Variants in KIRREL3 observed in about 807,000 individuals in gnomAD.
The protein encoded by KIRREL3 is kin of IRRE-like protein 3.
In KIRREL3, 36 loss-of-function variants were observed where a neutral mutation model predicts 89.7. The ratio of observed to expected loss-of-function variants is 0.40; its 90% CI spans 0.31 to 0.53. KIRREL3 has a LOEUF of 0.53. Among genes scored for constraint, KIRREL3 ranks in the 20% least tolerant of loss-of-function variants. The pLI, the probability that KIRREL3 is intolerant of heterozygous loss-of-function variation, is 0.49. For missense variants in KIRREL3, 864 were observed against 1,056.6 expected (o/e 0.82, Z 2.53); for synonymous variants, 445 against 441.4 (o/e 1.01, Z -0.10).
chr11:126,634,850 T>C (rs1032412206), intron 1 of KIRREL3, among the ~76,000 whole-genome samples: 1 of 152,152 alleles, frequency 6.6e-6, no homozygotes, highest in Non-Finnish European at 1.5e-5. Context: ...CCCTTGCTGG[T>C]GCTCTTTCCA....
At chr11:126,457,557 G>A (rs1157093019) in intron 6 of KIRREL3, among the ~76,000 whole-genome samples, 2 of 145,202 alleles carry the variant, frequency 1.4e-5, no homozygotes, top group South Asian at 2.2e-4. Flanking sequence ...ACAAAGATGA[G>A]GAAGTGACAG....
At chr11:126,829,737 T>A (rs1943541610) in intron 1 of KIRREL3, among the ~76,000 whole-genome samples, 1 of 152,216 alleles carries the variant, frequency 6.6e-6, no homozygotes, top group South Asian at 2.1e-4. Context: ...AGAATGGGTA[T>A]GTTTGAAGAG....
chr11:126,738,537 T>C (rs1314471340), intron 1 of KIRREL3, among the ~76,000 whole-genome samples: 1 of 152,072 alleles, frequency 6.6e-6, no homozygotes, highest in African/African-American at 2.4e-5. Flanking sequence ...AGTTTCCTAT[T>C]TTTTTTCCCC....
rs1470043971 is a variant in KIRREL3, at chr11:126,484,683, G to C, written c.434-11217C>G. The stretch of plus-strand genomic sequence containing the variant: ...TAACAGGGAATCCTGTATTTTATCT[G>C]GCAATCCTGTAGATGTGTTAATTAC... On this transcript the variant is annotated intron_variant, in intron 4 of 16. Coordinates refer to ENST00000525144, the MANE Select transcript of KIRREL3 (RefSeq NM_032531.4). The surrounding 1 kb of genome is among the most constrained non-coding windows in gnomAD (Gnocchi z 5.2). Among the ~76,000 whole-genome samples the C allele has an allele frequency of 6.6e-6, 1 of 152,184 alleles. No individual in the cohort carries two copies. The highest frequency in any genetic ancestry group is 2.4e-5 in the African/African-American group (1 of 41,440).
At chr11:126,577,592 CAAAAAA>C (rs61210940) in intron 1 of KIRREL3, among the ~76,000 whole-genome samples, 5 of 115,974 alleles carry the variant, frequency 4.3e-5, no homozygotes, top group African/African-American at 1.7e-4. Flanking sequence ...ACTAAAAATA[CAAAAAA>C]AAAAAAAAAA....
At chr11:126,716,679 C>G (rs899415327) in intron 1 of KIRREL3, among the ~76,000 whole-genome samples, 10 of 133,316 alleles carry the variant, frequency 7.5e-5, no homozygotes. Flanking sequence ...CCAAATGCAT[C>G]TGAAAACTGG....
At chr11:126,862,528 A>T (rs1944737342) in intron 1 of KIRREL3, among the ~76,000 whole-genome samples, 1 of 152,202 alleles carries the variant, frequency 6.6e-6, no homozygotes, top group African/African-American at 2.4e-5. Flanking sequence ...ATTCATGGGC[A>T]CATGGGCAGC....
chr11:126,934,000 C>CAA (rs60806775), intron 1 of KIRREL3, among the ~76,000 whole-genome samples: 17 of 146,648 alleles, frequency 1.2e-4, no homozygotes, highest in African/African-American at 4.0e-4. Flanking sequence ...CTGGAAAAGA[C>CAA]AAAAAAAAAA....
Position 126,562,726 on chromosome 11 carries a change from C to T in KIRREL3, c.133+109G>A. The T allele has an allele frequency of 1.1e-6, 1 of 877,116 alleles. No individual in the cohort carries two copies. Among genetic ancestry groups the T allele is most frequent in the Non-Finnish European group, 1.8e-6 (1 of 546,522 alleles). 54.3% of individuals were successfully genotyped at this position (877,116 alleles called of 1,614,324 possible). A position where few individuals can be genotyped will look rare whatever the true frequency, so the allele number is the denominator to read the frequency against. Reference sequence around the variant, plus strand: ...ACCAAACTGGTCTTCCCACTGTCCCCTTCTGAGAGGTCCCAGGTTCTTATT... The same window carrying T: ...ACCAAACTGGTCTTCCCACTGTCCCTTTCTGAGAGGTCCCAGGTTCTTATT... On this transcript the variant is annotated intron_variant, in intron 2 of 16. Coordinates refer to ENST00000525144, the MANE Select transcript of KIRREL3 (RefSeq NM_032531.4). This position sits in a 1 kb window ranked among gnomAD's most constrained non-coding sequence, Gnocchi z 4.7.
chr11:126,738,944 T>C (rs1336965203), intron 1 of KIRREL3, among the ~76,000 whole-genome samples: 2 of 152,240 alleles, frequency 1.3e-5, no homozygotes, highest in Admixed American at 1.3e-4. Flanking sequence ...GTGATCAAAC[T>C]ATGATTTTTT....
intron 1 of KIRREL3, among the ~76,000 whole-genome samples, chr11:126,972,083 A>C (rs748456018): frequency 1.3e-4 from 20 of 151,908 alleles, no homozygotes; most frequent in East Asian, 5.8e-4. Context: ...ATGATGCTTC[A>C]GTGCCTTTTT....
At chr11:126,998,694 G>T (rs6590242) in intron 1 of KIRREL3, among the ~76,000 whole-genome samples, 4 of 152,082 alleles carry the variant, frequency 2.6e-5, no homozygotes, top group African/African-American at 7.2e-5. Flanking sequence ...TGATTCAGAC[G>T]GCCAGGGAGG....
At chr11:126,774,337 C>T (rs1950109147) in intron 1 of KIRREL3, among the ~76,000 whole-genome samples, 1 of 152,158 alleles carries the variant, frequency 6.6e-6, no homozygotes, top group Non-Finnish European at 1.5e-5. Flanking sequence ...GAGGCCACCT[C>T]TGTACCCTCT....
chr11:126,440,648 T>A, intron 10 of KIRREL3, 99 bp from the exon 11 acceptor site: 1 of 1,088,506 alleles, frequency 9.2e-7, no homozygotes, highest in Non-Finnish European at 1.4e-6. Flanking sequence ...ATCCAAGCAT[T>A]CAGCAAACAT....
chr11:126,686,169 G>T lies in KIRREL3; in HGVS notation c.56-123257C>A, dbSNP rs1267826071. 2.0e-5 allele frequency among the ~76,000 whole-genome samples: 3 copies of T among 152,164 alleles called. No individual in the cohort carries two copies. The highest frequency in any genetic ancestry group is 7.2e-5 in the African/African-American group (3 of 41,444). On this transcript the variant is annotated intron_variant, in intron 1 of 16. Transcript: ENST00000525144. This position sits in a 1 kb window ranked among gnomAD's most constrained non-coding sequence, Gnocchi z 4.7. ...CAGGGTCTCTGCGTTCTGCCTTTGT[G>T]TTGAGCTTCTCCTCCACAGCCCACC...
chr11:126,780,035 G>A lies in KIRREL3; in HGVS notation c.56-217123C>T, dbSNP rs374035841. Among the ~76,000 whole-genome samples, 8 of 152,114 alleles carry A rather than the reference G, an allele frequency of 5.3e-5. No homozygotes were observed. The South Asian group carries it at 8.3e-4, about 16-fold the overall frequency. ...CTGTGGCTTCAACAGGGAGCCCCACGCTGTATCTGGAAGGGAGGACTGAAC... is the reference window on the plus strand; with the variant it reads ...CTGTGGCTTCAACAGGGAGCCCCACACTGTATCTGGAAGGGAGGACTGAAC... On this transcript the variant is annotated intron_variant, in intron 1 of 16. Transcript: ENST00000525144. The surrounding 1 kb of genome is among the most constrained non-coding windows in gnomAD (Gnocchi z 5.3).
chr11:126,863,508 C>T (rs1408735070), intron 1 of KIRREL3, among the ~76,000 whole-genome samples: 15 of 93,964 alleles, frequency 1.6e-4, no homozygotes, highest in Admixed American at 6.7e-4. Flanking sequence ...AGTGTGAGTG[C>T]GTGTGTGTTT....
At chr11:126,731,355 C>T (rs1053378440) in intron 1 of KIRREL3, among the ~76,000 whole-genome samples, 7 of 152,176 alleles carry the variant, frequency 4.6e-5, no homozygotes, top group Non-Finnish European at 4.4e-5. Context: ...GGGTCCATCC[C>T]GCTGTGTCCA....
rs956885594 is a variant in KIRREL3 at position 126,754,399 on chromosome 11, C to G, written c.56-191487G>C. On this transcript the variant is annotated intron_variant, in intron 1 of 16. Coordinates refer to ENST00000525144, the MANE Select transcript of KIRREL3 (RefSeq NM_032531.4). This position sits in a 1 kb window ranked among gnomAD's most constrained non-coding sequence, Gnocchi z 5.1. ...CTTTACACTCTCTATATGTCTGTCT[C>G]TGGTCTTCAATTCAGACCGTGTAAC... 2.6e-5 allele frequency among the ~76,000 whole-genome samples: 4 copies of G among 152,206 alleles called. No individual in the cohort carries two copies. The highest frequency in any genetic ancestry group is 5.9e-5 in the Non-Finnish European group (4 of 68,048).
Sources: gnomAD v4.1 joint callset for allele counts (sites outside exome capture counted in the v4.1 genomes callset) on GRCh38, gnomAD v4.1.1 for gene constraint, Gnocchi (gnomAD v3.1) non-coding constraint, MANE v1.5 for transcripts, NCBI Gene and HGNC (gene_info 2026-07-23, HGNC 2026-07-21) for gene names.